ZNF792: variants seen among roughly 807,000 people sequenced by gnomAD.
ZNF792 encodes the protein zinc finger protein 792.
In ZNF792, 14 loss-of-function variants were observed where a neutral mutation model predicts 13.1. The ratio of observed to expected loss-of-function variants is 1.07; its 90% CI spans 0.71 to 1.67. The LOEUF (loss-of-function observed/expected upper bound fraction) is 1.67, where lower values mean the gene tolerates loss of function less well. Among genes scored for constraint, ZNF792 ranks in the 40% most tolerant of loss-of-function variants. The pLI is 0.00. For missense variants in ZNF792, 740 were observed against 807.9 expected (o/e 0.92, Z 1.02); for synonymous variants, 257 against 292.0 (o/e 0.88, Z 1.22).
Position 34,964,075 on chromosome 19 carries a change from G to C in ZNF792, c.-413C>G, listed in dbSNP as rs1484843201. 1.6e-5 allele frequency: 3 copies of C among 186,292 alleles called. No individual in the cohort carries two copies. The highest frequency in any genetic ancestry group is 3.3e-5 in the Non-Finnish European group (3 of 90,690). The allele number at this position is 186,292 out of a possible 1,614,324, so 11.5% of individuals were successfully genotyped here. ...CCGGGAAATGACCTGCGAGGCTGCAGTGCAGGAAGTTCCGGCCCCCACCGT... is the reference window on the plus strand; with the variant it reads ...CCGGGAAATGACCTGCGAGGCTGCACTGCAGGAAGTTCCGGCCCCCACCGT... On this transcript the variant is annotated 5_prime_UTR_variant, in exon 1 of 4. Transcript: ENST00000404801.
intron 1 of ZNF792, among the ~76,000 whole-genome samples, chr19:34,963,374 G>A (rs903413181): frequency 2.0e-5 from 3 of 151,668 alleles, no homozygotes; most frequent in Admixed American, 2.0e-4. Context: ...AAGCTTTTGC[G>A]CACGCTGGTT....
chr19:34,960,567 C>A, intron 2 of ZNF792: 1 of 708,322 alleles, frequency 1.4e-6, no homozygotes. Context: ...ACAGAACTGT[C>A]AGATCTGGAT....
Position 34,963,724 on chromosome 19 carries a change from T to A in ZNF792, c.-62A>T. On this transcript the variant is annotated 5_prime_UTR_variant, in exon 1 of 4. Transcript: ENST00000404801. Reference sequence around the variant, plus strand: ...GAAACCACGGGGCGGGGGTAGGGGGTCTCGCAGGCTGAGGCTACCACCCAC... The same window carrying A: ...GAAACCACGGGGCGGGGGTAGGGGGACTCGCAGGCTGAGGCTACCACCCAC... The A allele has an allele frequency of 4.7e-6, 7 of 1,495,192 alleles. No homozygotes were observed. The highest frequency in any genetic ancestry group is 6.2e-6 in the Non-Finnish European group (7 of 1,120,932). The allele number at this position is 1,495,192 out of a possible 1,614,324, so 92.6% of individuals were successfully genotyped here. A position where few individuals can be genotyped will look rare whatever the true frequency, so the allele number is the denominator to read the frequency against.
rs1230790835 is a variant in ZNF792, at chr19:34,960,655, T to G, written c.160+213A>C. On this transcript the variant is annotated intron_variant, in intron 2 of 3. Transcript: ENST00000404801. The stretch of plus-strand genomic sequence containing the variant: ...AGACCCCTCATGCCTGGAGCTTCCC[T>G]GCAAGGCTTCAGGCAGCAGGTGTGG... 3 of 778,572 alleles carry G rather than the reference T, an allele frequency of 3.9e-6. No individual in the cohort carries two copies. The East Asian group carries it at 8.3e-5, about 22-fold the overall frequency. 48.2% of individuals were successfully genotyped at this position (778,572 alleles called of 1,614,324 possible).
At chr19:34,959,810 C>T (rs949873099) in intron 3 of ZNF792, among the ~76,000 whole-genome samples, 3 of 152,184 alleles carry the variant, frequency 2.0e-5, no homozygotes, top group African/African-American at 7.2e-5. Context: ...GGCAGAGAGG[C>T]AGGGTCTCCC....
Position 34,958,927 on chromosome 19 carries a change from A to C in ZNF792, c.928T>G (p.Tyr310Asp), listed in dbSNP as rs1167721749. 4 of 1,613,982 alleles carry C rather than the reference A, an allele frequency of 2.5e-6. 1 individual carries two copies. In the Admixed American group the frequency reaches 6.7e-5, roughly 27 times the overall value. The change falls in exon 4 of 4, where the codon TAT becomes GAT. Residue 310 changes from tyrosine to aspartate, a missense_variant. Coordinates refer to ENST00000404801, the MANE Select transcript of ZNF792 (RefSeq NM_175872.5). ...AATTTTCCACATTCACAGCACTCAT[A>C]CGGTTTTCCTCTATTGTGAACTTTC... Reference protein sequence around the residue: ...HQKVHNRGKPYECCECGKFFS... With the variant: ...HQKVHNRGKPDECCECGKFFS...
chr19:34,957,711 C>G lies in ZNF792; in HGVS notation c.*245G>C. The stretch of plus-strand genomic sequence containing the variant: ...CATGTCCATGGCTAAACCAGCCATA[C>G]AGGGCGGGAATGACATCTTCCCAAG... On this transcript the variant is annotated 3_prime_UTR_variant, in exon 4 of 4. Transcript: ENST00000404801. 3 of 434,406 alleles carry G rather than the reference C, an allele frequency of 6.9e-6. No individual in the cohort carries two copies. The highest frequency in any genetic ancestry group is 8.1e-6 in the Non-Finnish European group (2 of 248,138). The allele number at this position is 434,406 out of a possible 1,614,324, so 26.9% of individuals were successfully genotyped here.
chr19:34,958,083 T>G lies in ZNF792; in HGVS notation c.1772A>C (p.Glu591Ala), dbSNP rs986395472. 2.5e-6 allele frequency: 4 copies of G among 1,612,594 alleles called. No individual in the cohort carries two copies. The highest frequency in any genetic ancestry group is 3.4e-6 in the Non-Finnish European group (4 of 1,179,270). ...CTGTGAACAGGGAAGGAGCACATTC[T>G]CCATGCTCCTTTCTCTGATGTGAAT... ...QKIHIRERSMENVLLPCSQHT... is the reference protein window; with the variant it reads ...QKIHIRERSMANVLLPCSQHT... Residue 591 changes from glutamate (E) to alanine (A), a missense_variant, in exon 4 of 4, where the codon GAG (glutamate) becomes GCG (alanine). By Grantham distance (107) the Glu-to-Ala change is moderately radical. Coordinates refer to ENST00000404801, the MANE Select transcript of ZNF792 (RefSeq NM_175872.5).
At position 34,959,390 on chromosome 19, in the gene ZNF792, G is replaced by C; in HGVS notation, c.465C>G (p.Pro155=). 1 of 1,614,112 alleles carries C rather than the reference G, an allele frequency of 6.2e-7. No homozygotes were observed. The highest frequency in any genetic ancestry group is 8.5e-7 in the Non-Finnish European group (1 of 1,179,966). ...LHLAEHQTTH[P]RQKPFVCEAY... ...CCTCACACACAAATGGTTTCTGCCT[G>C]GGATGTGTTGTCTGGTGTTCAGCCA... The change falls in exon 4 of 4, where the codon CCC becomes CCG. Residue 155 remains proline, a synonymous_variant. Coordinates refer to ENST00000404801, the MANE Select transcript of ZNF792 (RefSeq NM_175872.5).
At chr19:34,962,438 G>A (rs73593702) in intron 1 of ZNF792, among the ~76,000 whole-genome samples, 3,673 of 152,258 alleles carry the variant, frequency 0.024, 130 homozygotes, top group African/African-American at 0.083. Flanking sequence ...GTTAGGGTGC[G>A]TATCTGCCTT....
chr19:34,962,810 G>C (rs2013547602), intron 1 of ZNF792, among the ~76,000 whole-genome samples: 1 of 152,010 alleles, frequency 6.6e-6, no homozygotes, highest in South Asian at 2.1e-4. Context: ...ACTCCATTTG[G>C]GGGTCTCTGG....
rs751398956 is a variant in ZNF792, at chr19:34,959,562, T to C, written c.293A>G (p.His98Arg). The change falls in exon 4 of 4, where the codon CAT becomes CGT. Residue 98 changes from histidine to arginine, a missense_variant. Transcript: ENST00000404801. ...AYGRPGSDFC[H>R]GTEGKDLPSE... ...AGGTAAGTCCTTGCCCTCTGTTCCA[T>C]GGCAAAAATCTGAAAGCAGAGAAAT... The C allele has an allele frequency of 1.6e-5, 25 of 1,520,744 alleles. No individual in the cohort carries two copies. In the Admixed American group the frequency reaches 3.6e-4, roughly 22 times the overall value. The allele number at this position is 1,520,744 out of a possible 1,614,324, so 94.2% of individuals were successfully genotyped here.
rs1289348876 is a variant in ZNF792, at chr19:34,958,774, T to A, written c.1081A>T (p.Thr361Ser). 6.2e-7 allele frequency: 1 copy of A among 1,613,996 alleles called. No individual in the cohort carries two copies. The highest frequency in any genetic ancestry group is 8.5e-7 in the Non-Finnish European group (1 of 1,179,998). The change falls in exon 4 of 4, where the codon ACT becomes TCT. Residue 361 changes from threonine (T) to serine (S), a missense_variant. Thr to Ser is a moderately conservative substitution (Grantham distance 58). Coordinates refer to ENST00000404801, the MANE Select transcript of ZNF792 (RefSeq NM_175872.5). ...SNLIQHKRVH[T>S]GEKPYECSDC... ...CTGCACTCATATGGCTTTTCACCAG[T>A]GTGAACCCTCTTATGCTGAATGAGG...
chr19:34,959,608 C>G, intron 3 of ZNF792, 37 bp from the exon 4 acceptor site: 1 of 1,512,364 alleles, frequency 6.6e-7, no homozygotes, highest in Middle Eastern at 1.9e-4. Flanking sequence ...TTCGTATAAA[C>G]TTTAATAGAA....
In ZNF792 at chr19:34,963,711, C is replaced by T. The variant is rs778819495; in HGVS notation, c.-49G>A. 5 of 1,535,162 alleles carry T rather than the reference C, an allele frequency of 3.3e-6. No individual in the cohort carries two copies. Among genetic ancestry groups the T allele is most frequent in the Non-Finnish European group, 4.4e-6 (5 of 1,143,634 alleles). On this transcript the variant is annotated 5_prime_UTR_variant, in exon 1 of 4. Transcript: ENST00000404801. ...CCCCACGGTGCGGGAAACCACGGGG[C>T]GGGGGTAGGGGGTCTCGCAGGCTGA...
chr19:34,961,386 C>T (rs886567473), intron 1 of ZNF792, among the ~76,000 whole-genome samples: 8 of 152,158 alleles, frequency 5.3e-5, no homozygotes, highest in African/African-American at 1.7e-4. Context: ...AGACCTTCAC[C>T]ACGGCCTCCC....
chr19:34,961,031 T>C, intron 1 of ZNF792, 37 bp from the exon 2 acceptor site: 2 of 1,591,766 alleles, frequency 1.3e-6, no homozygotes, highest in South Asian at 2.3e-5. Context: ...ATGATCAGTC[T>C]CTGTCCTTGG....
rs2013567310 is a variant in ZNF792 at position 34,963,838 on chromosome 19, G to A, written c.-176C>T. On this transcript the variant is annotated 5_prime_UTR_variant, in exon 1 of 4. Transcript: ENST00000404801. ...CCCGTGCAAAATGCGCAAGGGGCCC[G>A]GGGCGCAGGCTCCGGGGGCGCCGAG... 2 of 712,182 alleles carry A rather than the reference G, an allele frequency of 2.8e-6. No homozygotes were observed. Among genetic ancestry groups the A allele is most frequent in the East Asian group, 3.2e-5 (1 of 31,636 alleles). The allele number at this position is 712,182 out of a possible 1,614,324, so 44.1% of individuals were successfully genotyped here. A position where few individuals can be genotyped will look rare whatever the true frequency, so the allele number is the denominator to read the frequency against.
At position 34,964,048 on chromosome 19, in the gene ZNF792, C is replaced by A. The variant is rs528077022; in HGVS notation, c.-386G>T. On this transcript the variant is annotated 5_prime_UTR_variant, in exon 1 of 4. Transcript: ENST00000404801. ...CCAGCTCCTGGGGACTCAGCCTCCC[C>A]GCCGGGAAATGACCTGCGAGGCTGC... The A allele has an allele frequency of 1.2e-4, 27 of 224,288 alleles. No homozygotes were observed. The highest frequency in any genetic ancestry group is 6.2e-4 in the African/African-American group (27 of 43,818). 13.9% of individuals were successfully genotyped at this position (224,288 alleles called of 1,614,324 possible).
Sources: allele counts gnomAD v4.1 joint callset (sites outside exome capture counted in the v4.1 genomes callset), GRCh38; gene constraint gnomAD v4.1.1; transcripts MANE v1.5; gene names NCBI Gene and HGNC (gene_info 2026-07-23, HGNC 2026-07-21).